Variants in PCDHGA3 observed in about 807,000 individuals in gnomAD.
The protein encoded by PCDHGA3 is protocadherin gamma-A3.
PCDHGA3 carries 40 observed loss-of-function variants against 58.5 expected under a neutral mutation model. The ratio of observed to expected loss-of-function variants is 0.68; its 90% CI spans 0.53 to 0.89. PCDHGA3 has a LOEUF of 0.89. PCDHGA3 is among the 40% of genes least tolerant of loss of function. PCDHGA3 has a pLI of 0.00. For synonymous variants in PCDHGA3, 530 were observed against 525.7 expected, an observed-to-expected ratio of 1.01 and a Z score of -0.11; for missense variants, 1,223 against 1,195.9, an observed-to-expected ratio of 1.02 and a Z score of -0.33.
Position 141,395,117 on chromosome 5 carries a change from G to C in PCDHGA3, c.2424+48660G>C. 4 of 1,614,192 alleles carry C rather than the reference G, an allele frequency of 2.5e-6. No homozygotes were observed. The South Asian group carries it at 4.4e-5, about 18-fold the overall frequency. ...CCGCCGACTCGCGGAAGAGTCACCT[G>C]ATCTTTCCCCAGCCCAACTACGCAG... On this transcript the variant is annotated intron_variant, in intron 1 of 3. Coordinates refer to ENST00000253812, the MANE Select transcript of PCDHGA3 (RefSeq NM_018916.4).
At chr5:141,366,829 T>A in intron 1 of PCDHGA3, 1 of 1,527,578 alleles carries the variant, frequency 6.5e-7, no homozygotes, top group Non-Finnish European at 8.8e-7. Flanking sequence ...ATATTCAGAA[T>A]CAGCTAGTTA....
At chr5:141,497,050 G>T (rs113054804) in intron 2 of PCDHGA3, among the ~76,000 whole-genome samples, 5,544 of 152,084 alleles carry the variant, frequency 0.036, 137 homozygotes, top group South Asian at 0.074. Context: ...TTAGCCAGGC[G>T]TGGTGGCAGG....
At chr5:141,421,478 G>T in intron 1 of PCDHGA3, 1 of 1,614,130 alleles carries the variant, frequency 6.2e-7, no homozygotes, top group Non-Finnish European at 8.5e-7. Flanking sequence ...CGAAGCGGCA[G>T]CTTGATCACG....
rs545943961 is a variant in PCDHGA3, at chr5:141,373,227, T to C, written c.2424+26770T>C. On this transcript the variant is annotated intron_variant, in intron 1 of 3. Coordinates refer to ENST00000253812, the MANE Select transcript of PCDHGA3 (RefSeq NM_018916.4). ...ACACATTTTTAATGTAACCTGTATATAATATTTTTACTTCCCTTTGCATGT... is the reference window on the plus strand; with the variant it reads ...ACACATTTTTAATGTAACCTGTATACAATATTTTTACTTCCCTTTGCATGT... 9.8e-5 allele frequency among the ~76,000 whole-genome samples: 15 copies of C among 152,350 alleles called. No homozygotes were observed. In the East Asian group the frequency reaches 2.7e-3, roughly 27 times the overall value.
rs201851177 is a variant in PCDHGA3, at chr5:141,376,061, C to G, written c.2424+29604C>G. On this transcript the variant is annotated intron_variant, in intron 1 of 3. Transcript: ENST00000253812. ...GCCCCCTCTCTCCGCCACTGTCACG[C>G]TCACCGTGGCCGTGGCCGACAGGAT... is the stretch of plus-strand genomic sequence containing the variant. The G allele has an allele frequency of 8.2e-4, 1,321 of 1,613,326 alleles. No individual in the cohort carries two copies. Among genetic ancestry groups the G allele is most frequent in the Non-Finnish European group, 1.0e-3 (1,200 of 1,179,910 alleles).
At position 141,343,885 on chromosome 5, in the gene PCDHGA3, G is replaced by T; in HGVS notation, c.-149G>T. 1.5e-6 allele frequency: 1 copy of T among 650,068 alleles called. No homozygotes were observed. 40.3% of individuals were successfully genotyped at this position (650,068 alleles called of 1,614,324 possible). A position where few individuals can be genotyped will look rare whatever the true frequency, so the allele number is the denominator to read the frequency against. The stretch of plus-strand genomic sequence containing the variant: ...CAGCAAATCAGACTCAGAAGATCCG[G>T]GGCGGCTGCCAACCTCACCTCTTAG... On this transcript the variant is annotated 5_prime_UTR_variant, in exon 1 of 4. Transcript: ENST00000253812.
intron 1 of PCDHGA3, among the ~76,000 whole-genome samples, chr5:141,472,980 C>CAAA (rs60579131): frequency 5.8e-5 from 5 of 86,104 alleles, no homozygotes; most frequent in Non-Finnish European, 1.0e-4. Context: ...GAGTGAAACT[C>CAAA]AAAAAAAAAA....
At chr5:141,458,318 A>T (rs1420197662) in intron 1 of PCDHGA3, among the ~76,000 whole-genome samples, 1 of 152,128 alleles carries the variant, frequency 6.6e-6, no homozygotes, top group Non-Finnish European at 1.5e-5. Context: ...ACACAGACAC[A>T]TGTGGAGTGG....
In PCDHGA3 at chr5:141,398,481, C is replaced by T. The variant is rs377302058; in HGVS notation, c.2424+52024C>T. ...CTGAAAATCCACTGAACTTTTATCACGTGAATGTGGAGATCGAGGACATTA... is the reference window on the plus strand; with the variant it reads ...CTGAAAATCCACTGAACTTTTATCATGTGAATGTGGAGATCGAGGACATTA... On this transcript the variant is annotated intron_variant, in intron 1 of 3. Transcript: ENST00000253812. The T allele has an allele frequency of 6.8e-6, 11 of 1,607,008 alleles. No individual in the cohort carries two copies. In the African/African-American group the frequency reaches 8.1e-5, roughly 12 times the overall value.
At chr5:141,469,079 C>T (rs1169035651) in intron 1 of PCDHGA3, among the ~76,000 whole-genome samples, 1 of 151,492 alleles carries the variant, frequency 6.6e-6, no homozygotes, top group Non-Finnish European at 1.5e-5. Context: ...GAGTTTGAGA[C>T]CATTCTAGGC....
In PCDHGA3 at chr5:141,491,893, G is replaced by A; in HGVS notation, c.2425-2914G>A. The stretch of plus-strand genomic sequence containing the variant: ...GGCCGATTAAGGGATGGGGCTCCGA[G>A]CACCGGGGGTGGTGGCGACTGTGGG... On this transcript the variant is annotated intron_variant, in intron 1 of 3. Transcript: ENST00000253812. This position sits in a 1 kb window ranked among gnomAD's most constrained non-coding sequence, Gnocchi z 6.9. 9 of 1,438,856 alleles carry A rather than the reference G, an allele frequency of 6.3e-6. No individual in the cohort carries two copies. Among genetic ancestry groups the A allele is most frequent in the Non-Finnish European group, 8.3e-6 (9 of 1,088,104 alleles). 89.1% of individuals were successfully genotyped at this position (1,438,856 alleles called of 1,614,324 possible). A position where few individuals can be genotyped will look rare whatever the true frequency, so the allele number is the denominator to read the frequency against.
intron 1 of PCDHGA3, chr5:141,370,427 AG>A (rs749504882): frequency 1.3e-4 from 212 of 1,590,086 alleles, no homozygotes; most frequent in Non-Finnish European, 1.7e-4. Flanking sequence ...GGGGCCCAGC[AG>A]GGCAGAGGCG....
Position 141,350,643 on chromosome 5 carries a change from C to T in PCDHGA3, c.2424+4186C>T, listed in dbSNP as rs76289268. 4.5e-4 allele frequency: 728 copies of T among 1,613,956 alleles called. 1 individual carries two copies. In the East Asian group the frequency reaches 0.011, roughly 24 times the overall value. On this transcript the variant is annotated intron_variant, in intron 1 of 3. Coordinates refer to ENST00000253812, the MANE Select transcript of PCDHGA3 (RefSeq NM_018916.4). ...ATCCAAGATATTAATGACAATGCAC[C>T]ACGTTTCGTTGCAAAAGGCATTGAC...
chr5:141,362,006 G>A (rs754740596), intron 1 of PCDHGA3: 7 of 1,605,202 alleles, frequency 4.4e-6, no homozygotes, highest in Non-Finnish European at 5.9e-6. Flanking sequence ...TTGCGCACGG[G>A]TGAGGTGCGC....
At position 141,399,851 on chromosome 5, in the gene PCDHGA3, C is replaced by G. The variant is rs971471583; in HGVS notation, c.2424+53394C>G. 7 of 1,612,832 alleles carry G rather than the reference C, an allele frequency of 4.3e-6. No individual in the cohort carries two copies. In the African/African-American group the frequency reaches 6.7e-5, roughly 15 times the overall value. Reference sequence around the variant, plus strand: ...GGCTCTGCGCTCTTCGATATGGTGCCGCGCGCTGCAGAGCCCGGCTACCTG... The same window carrying G: ...GGCTCTGCGCTCTTCGATATGGTGCGGCGCGCTGCAGAGCCCGGCTACCTG... On this transcript the variant is annotated intron_variant, in intron 1 of 3. Coordinates refer to ENST00000253812, the MANE Select transcript of PCDHGA3 (RefSeq NM_018916.4).
Position 141,345,555 on chromosome 5 carries a change from A to G in PCDHGA3, c.1522A>G (p.Asn508Asp). 6.2e-7 allele frequency: 1 copy of G among 1,614,144 alleles called. No homozygotes were observed. The highest frequency in any genetic ancestry group is 8.5e-7 in the Non-Finnish European group (1 of 1,180,020). Residue 508 changes from asparagine to aspartate, a missense_variant, in exon 1 of 4, where the codon AAC (asparagine) becomes GAC (aspartate). Around this residue, in one of 3 missense-constraint regions of PCDHGA3, gnomAD observed 791 missense variants for 708.5 expected, o/e 1.12. Transcript: ENST00000253812. Reference sequence around the variant, plus strand: ...GCCCCTGTCCTCCTTCGTCTCTATCAACTCCAACACTGGCGTCCTATACGC... The same window carrying G: ...GCCCCTGTCCTCCTTCGTCTCTATCGACTCCAACACTGGCGTCCTATACGC... ...GAPLSSFVSI[N>D]SNTGVLYALR...
chr5:141,454,503 T>A (rs988138847), intron 1 of PCDHGA3, among the ~76,000 whole-genome samples: 1 of 152,308 alleles, frequency 6.6e-6, no homozygotes, highest in Non-Finnish European at 1.5e-5. Flanking sequence ...ACCTCCTGGA[T>A]TCAGGCAGTT....
intron 1 of PCDHGA3, chr5:141,412,841 G>C (rs1285924844): frequency 4.9e-6 from 1 of 205,932 alleles, no homozygotes; most frequent in East Asian, 1.1e-4. Flanking sequence ...AAAGATAGGA[G>C]TGGAGAAACC....
intron 1 of PCDHGA3, chr5:141,423,758 G>GA: frequency 1.1e-5 from 4 of 366,840 alleles, no homozygotes; most frequent in South Asian, 8.5e-5. Flanking sequence ...TTTGGGGGGG[G>GA]GGTGGGGCGG....
Sources: allele counts gnomAD v4.1 joint callset (sites outside exome capture counted in the v4.1 genomes callset), GRCh38; gene constraint gnomAD v4.1.1; regional missense constraint gnomAD v4.1.1; non-coding constraint Gnocchi (gnomAD v3.1); transcripts MANE v1.5; gene names NCBI Gene and HGNC (gene_info 2026-07-23, HGNC 2026-07-21).